Variants in CNTNAP2 observed in about 807,000 individuals in gnomAD.
The protein encoded by CNTNAP2 is contactin associated protein 2, also known as contactin-associated protein-like 2.
A neutral mutation model predicts 155.2 loss-of-function variants in CNTNAP2; 98 were observed. The observed-to-expected ratio is 0.63, with a 90% CI of 0.54 to 0.75. The LOEUF is 0.75. Ranked by LOEUF, CNTNAP2 falls within the 30% of genes least tolerant of loss-of-function variation. CNTNAP2 has a pLI of 0.00. For synonymous variants in CNTNAP2, 651 were observed against 631.2 expected, an observed-to-expected ratio of 1.03 and a Z score of -0.47; for missense variants, 1,727 against 1,688.1, an observed-to-expected ratio of 1.02 and a Z score of -0.40.
rs73166209 is a variant in CNTNAP2, at chr7:147,711,717, A to T, written c.2098+72411A>T. Among the ~76,000 whole-genome samples the T allele has an allele frequency of 6.4e-3, 974 of 152,270 alleles. 5 individuals are homozygous for T. Among genetic ancestry groups the T allele is most frequent in the Admixed American group, 0.013 (192 of 15,286 alleles). On this transcript the variant is annotated intron_variant, in intron 13 of 23. Transcript: ENST00000361727. ...CTTCCCTCTTGCTAAACACTCAAAG[A>T]TTCCATTTTTAACACAGGATGTCTA...
chr7:146,398,881 T>G (rs189260439), intron 1 of CNTNAP2, among the ~76,000 whole-genome samples: 3 of 152,098 alleles, frequency 2.0e-5, no homozygotes, highest in Non-Finnish European at 2.9e-5. Context: ...ATTTCTTTTT[T>G]AAAATACTTA....
At chr7:146,989,380 T>C (rs1798169292) in intron 3 of CNTNAP2, among the ~76,000 whole-genome samples, 1 of 152,056 alleles carries the variant, frequency 6.6e-6, no homozygotes, top group Admixed American at 6.6e-5. Context: ...AGTCACTGGA[T>C]ACAGGTTGCC....
At chr7:146,229,178 G>C (rs13242084) in intron 1 of CNTNAP2, among the ~76,000 whole-genome samples, 2 of 151,948 alleles carry the variant, frequency 1.3e-5, no homozygotes, top group Non-Finnish European at 2.9e-5. Context: ...AATTGCCATC[G>C]GGTCACTTTT....
chr7:146,708,308 A>C (rs1801001719), intron 1 of CNTNAP2, among the ~76,000 whole-genome samples: 1 of 152,076 alleles, frequency 6.6e-6, no homozygotes, highest in Non-Finnish European at 1.5e-5. Flanking sequence ...TACATGTTTA[A>C]CAAATTACTT....
chr7:146,913,899 A>G (rs1046286881), intron 3 of CNTNAP2, among the ~76,000 whole-genome samples: 1 of 151,516 alleles, frequency 6.6e-6, no homozygotes. Flanking sequence ...TTTATTCCTC[A>G]CCACCCTCCT....
At chr7:146,432,937 C>T (rs1471358405) in intron 1 of CNTNAP2, among the ~76,000 whole-genome samples, 1 of 152,084 alleles carries the variant, frequency 6.6e-6, no homozygotes, top group Non-Finnish European at 1.5e-5. Flanking sequence ...AGGCCTTTCT[C>T]TACAGAGAAA....
chr7:146,913,254 G>GT (rs1448457378), intron 3 of CNTNAP2, among the ~76,000 whole-genome samples: 2 of 152,126 alleles, frequency 1.3e-5, no homozygotes. Context: ...CATGGTATCT[G>GT]TAAGAGAGCT....
intron 1 of CNTNAP2, among the ~76,000 whole-genome samples, chr7:146,458,589 T>C (rs1200094080): frequency 6.6e-6 from 1 of 152,160 alleles, no homozygotes; most frequent in East Asian, 1.9e-4. Flanking sequence ...TATACATACA[T>C]ACAAATATCT....
chr7:146,877,555 G>T (rs1795453866), intron 3 of CNTNAP2, among the ~76,000 whole-genome samples: 1 of 151,108 alleles, frequency 6.6e-6, no homozygotes, highest in South Asian at 2.1e-4. Flanking sequence ...TAAATAATAT[G>T]TGTATACTAT....
At chr7:146,890,817 A>C (rs1011627633) in intron 3 of CNTNAP2, among the ~76,000 whole-genome samples, 42 of 152,302 alleles carry the variant, frequency 2.8e-4, no homozygotes, top group African/African-American at 9.9e-4. Flanking sequence ...CTGTGTAACT[A>C]TGATCATACA....
chr7:148,164,573 A>G (rs941132222), intron 17 of CNTNAP2, among the ~76,000 whole-genome samples: 2 of 149,130 alleles, frequency 1.3e-5, no homozygotes. Flanking sequence ...TAAGATAGCA[A>G]CGACACCCAT....
At chr7:146,228,562 C>G (rs372890338) in intron 1 of CNTNAP2, among the ~76,000 whole-genome samples, 1 of 152,110 alleles carries the variant, frequency 6.6e-6, no homozygotes, top group East Asian at 1.9e-4. Context: ...AGAGCAAGCT[C>G]TTTATGCATT....
At chr7:146,248,908 AG>A (rs1799711231) in intron 1 of CNTNAP2, among the ~76,000 whole-genome samples, 1 of 152,180 alleles carries the variant, frequency 6.6e-6, no homozygotes, top group Non-Finnish European at 1.5e-5. Context: ...GAGTCCGAAA[AG>A]AGAGTCAGTG....
intron 3 of CNTNAP2, among the ~76,000 whole-genome samples, chr7:146,925,671 A>T (rs1796594218): frequency 6.6e-6 from 1 of 152,166 alleles, no homozygotes; most frequent in African/African-American, 2.4e-5. Flanking sequence ...AGCAAATAAC[A>T]TTAAAAGCAG....
rs139540216 is a variant in CNTNAP2, at chr7:147,556,014, G to A, written c.1778-6124G>A. ...GCCAGCATTTTGGCAATCCTGTATA[G>A]GCCTGCGGCCACGTCTGCATGTAAG... On this transcript the variant is annotated intron_variant, in intron 11 of 23. Transcript: ENST00000361727. 9.9e-3 allele frequency among the ~76,000 whole-genome samples: 1,510 copies of A among 152,220 alleles called. 10 individuals are homozygous for A. The highest frequency in any genetic ancestry group is 0.014 in the Non-Finnish European group (924 of 68,024).
chr7:147,717,330 G>A (rs1465469774), intron 13 of CNTNAP2, among the ~76,000 whole-genome samples: 2 of 151,968 alleles, frequency 1.3e-5, no homozygotes, highest in Admixed American at 6.6e-5. Context: ...GACTTAACAC[G>A]GCCAACACTA....
intron 21 of CNTNAP2, among the ~76,000 whole-genome samples, chr7:148,309,243 T>C (rs1797547353): frequency 1.3e-5 from 2 of 152,230 alleles, no homozygotes; most frequent in African/African-American, 4.8e-5. Context: ...CACATTTGTT[T>C]GTTGAATGAT....
chr7:146,557,556 C>A (rs1481627662), intron 1 of CNTNAP2, among the ~76,000 whole-genome samples: 3 of 151,950 alleles, frequency 2.0e-5, no homozygotes, highest in Non-Finnish European at 4.4e-5. Flanking sequence ...ATAAGAGGCC[C>A]AGTAAGTCAT....
At chr7:146,502,432 G>C (rs1349874689) in intron 1 of CNTNAP2, among the ~76,000 whole-genome samples, 1 of 151,450 alleles carries the variant, frequency 6.6e-6, no homozygotes, top group Non-Finnish European at 1.5e-5. Flanking sequence ...TCATACTGTT[G>C]TTCCATTATT....
Sources: allele counts gnomAD v4.1 joint callset (sites outside exome capture counted in the v4.1 genomes callset), GRCh38; gene constraint gnomAD v4.1.1; transcripts MANE v1.5; gene names NCBI Gene and HGNC (gene_info 2026-07-23, HGNC 2026-07-21).